SUMF1: variants seen among roughly 807,000 people sequenced by gnomAD.
The protein encoded by SUMF1 is formylglycine-generating enzyme.
Under a neutral mutation model 47.6 loss-of-function variants are expected in SUMF1, and 48 were observed. The observed-to-expected ratio is 1.01, with a 90% CI of 0.80 to 1.28. SUMF1 has a LOEUF of 1.28. Ranked by LOEUF, SUMF1 falls within the 50% of genes most tolerant of loss-of-function variation. The pLI, the probability that SUMF1 is intolerant of heterozygous loss-of-function variation, is 0.00. For missense variants in SUMF1, 571 were observed against 485.4 expected (o/e 1.18, Z -1.66); for synonymous variants, 230 against 192.1 (o/e 1.20, Z -1.63).
At chr3:4,189,766 C>T (rs555603310) in intron 8 of SUMF1, among the ~76,000 whole-genome samples, 3 of 152,142 alleles carry the variant, frequency 2.0e-5, no homozygotes, top group Non-Finnish European at 1.5e-5. Context: ...CCTGCTCCCC[C>T]AAAATCCTCT....
At chr3:4,463,849 C>G (rs575757027) in intron 1 of SUMF1, among the ~76,000 whole-genome samples, 2 of 152,194 alleles carry the variant, frequency 1.3e-5, no homozygotes, top group East Asian at 1.9e-4. Context: ...TCATAACCCA[C>G]GCAGAAAACT....
intron 8 of SUMF1, among the ~76,000 whole-genome samples, chr3:4,123,010 G>A (rs538429229): frequency 6.6e-6 from 1 of 152,124 alleles, no homozygotes; most frequent in African/African-American, 2.4e-5. Context: ...ACCAGGCATC[G>A]TTCTATACTT....
intron 8 of SUMF1, among the ~76,000 whole-genome samples, chr3:4,095,314 A>G (rs917030620): frequency 6.6e-6 from 1 of 152,130 alleles, no homozygotes. Flanking sequence ...TTTCTTTTTG[A>G]AAAGGATTAT....
At chr3:4,332,099 A>C (rs983135730) in intron 8 of SUMF1, among the ~76,000 whole-genome samples, 1 of 150,614 alleles carries the variant, frequency 6.6e-6, no homozygotes. Flanking sequence ...GTGATAACAC[A>C]TTTGATTTAA....
chr3:4,153,871 G>T (rs1317653911), intron 8 of SUMF1, among the ~76,000 whole-genome samples: 1 of 151,410 alleles, frequency 6.6e-6, no homozygotes, highest in Non-Finnish European at 1.5e-5. Flanking sequence ...CTGTTAGGAG[G>T]CAGGGAGGTC....
chr3:4,371,519 G>A (rs1038355444), intron 8 of SUMF1, among the ~76,000 whole-genome samples: 2 of 152,124 alleles, frequency 1.3e-5, no homozygotes, highest in Non-Finnish European at 2.9e-5. Context: ...TATAGAGAAT[G>A]CCACAACAGA....
At chr3:4,190,761 T>C (rs1695297463) in intron 8 of SUMF1, among the ~76,000 whole-genome samples, 1 of 152,146 alleles carries the variant, frequency 6.6e-6, no homozygotes, top group South Asian at 2.1e-4. Flanking sequence ...TACTAAGCAC[T>C]GGGGATACCA....
chr3:4,279,282 C>A (rs966273563), intron 8 of SUMF1, among the ~76,000 whole-genome samples: 4 of 152,000 alleles, frequency 2.6e-5, no homozygotes, highest in Non-Finnish European at 4.4e-5. Context: ...ATGTAAATAC[C>A]TTTAACCTTT....
chr3:4,374,122 G>C (rs761778341), intron 8 of SUMF1, among the ~76,000 whole-genome samples: 4 of 152,130 alleles, frequency 2.6e-5, no homozygotes, highest in Non-Finnish European at 5.9e-5. Context: ...CTAAGATCAA[G>C]AATGAGGTAT....
intron 8 of SUMF1, among the ~76,000 whole-genome samples, chr3:4,280,881 C>G (rs1697516065): frequency 7.3e-6 from 1 of 137,700 alleles, no homozygotes; most frequent in Non-Finnish European, 1.6e-5. Context: ...GTTCTGTGTC[C>G]AAACTTCTTT....
chr3:4,058,692 G>GA (rs913374100), intron 9 of SUMF1, among the ~76,000 whole-genome samples: 4 of 152,028 alleles, frequency 2.6e-5, no homozygotes, highest in African/African-American at 9.7e-5. Flanking sequence ...CAAAACTGAA[G>GA]AAAAAATCAC....
chr3:4,137,712 A>C (rs1216848686), intron 8 of SUMF1, among the ~76,000 whole-genome samples: 1 of 152,146 alleles, frequency 6.6e-6, no homozygotes, highest in Non-Finnish European at 1.5e-5. Context: ...CATCATACTT[A>C]ATGAAAGACT....
rs749832328 is a variant in SUMF1, at chr3:4,418,133, CT to C, written c.603-2del. 1 of 1,614,038 alleles carries C rather than the reference CT, an allele frequency of 6.2e-7. No individual in the cohort carries two copies. The highest frequency in any genetic ancestry group is 8.5e-7 in the Non-Finnish European group (1 of 1,180,022). ...CACATGGAGAACTGGATGATCCGGC[CT>C]GGGGAAGAGCAAAAGTAGAATGAAA... On this transcript the variant is annotated splice_acceptor_variant, in intron 4 of 8. Transcript: ENST00000272902. LOFTEE classifies it high-confidence loss of function.
intron 8 of SUMF1, among the ~76,000 whole-genome samples, chr3:4,225,854 C>T (rs554686734): frequency 6.6e-6 from 1 of 152,182 alleles, no homozygotes; most frequent in Admixed American, 6.5e-5. Flanking sequence ...GTTGAATAAC[C>T]CCAGTCAGAC....
chr3:4,438,844 T>TA (rs1360027829), intron 3 of SUMF1, among the ~76,000 whole-genome samples: 1 of 152,078 alleles, frequency 6.6e-6, no homozygotes, highest in East Asian at 1.9e-4. Flanking sequence ...CCAATTAATA[T>TA]AAAAAATTAT....
chr3:4,238,265 G>A (rs1696455356), intron 8 of SUMF1, among the ~76,000 whole-genome samples: 1 of 151,824 alleles, frequency 6.6e-6, no homozygotes, highest in African/African-American at 2.4e-5. Flanking sequence ...TTTATAGAAT[G>A]ATTTATATTC....
intron 8 of SUMF1, among the ~76,000 whole-genome samples, chr3:4,172,826 T>C (rs1218391728): frequency 6.6e-6 from 1 of 152,208 alleles, no homozygotes; most frequent in Non-Finnish European, 1.5e-5. Context: ...TTCACTCTGA[T>C]GATGTTTCTT....
chr3:4,084,254 T>C (rs1329137573), intron 8 of SUMF1, among the ~76,000 whole-genome samples: 1 of 152,130 alleles, frequency 6.6e-6, no homozygotes, highest in Non-Finnish European at 1.5e-5. Flanking sequence ...GCAAGTGGCA[T>C]AAAAGCCAAG....
intron 8 of SUMF1, among the ~76,000 whole-genome samples, chr3:4,150,451 A>G (rs1199674938): frequency 6.6e-6 from 1 of 151,250 alleles, no homozygotes; most frequent in East Asian, 1.9e-4. Flanking sequence ...AGTCCCAGCT[A>G]CTTGGGAGGC....
Sources: gnomAD v4.1 joint callset for allele counts (sites outside exome capture counted in the v4.1 genomes callset) on GRCh38, gnomAD v4.1.1 for gene constraint, MANE v1.5 for transcripts, NCBI Gene and HGNC (gene_info 2026-07-23, HGNC 2026-07-21) for gene names.